LRRC4C: variants seen among roughly 807,000 people sequenced by gnomAD.
LRRC4C encodes leucine rich repeat containing 4C, also known as leucine-rich repeat-containing protein 4C.
A neutral mutation model predicts 33.6 loss-of-function variants in LRRC4C; 5 were observed. The ratio of observed to expected loss-of-function variants is 0.15; its 90% CI spans 0.08 to 0.31. The LOEUF is 0.31. LRRC4C is among the 10% of genes least tolerant of loss of function. The probability of loss-of-function intolerance (pLI) is 1.00; values close to 1 mark genes in which losing one functional copy is unlikely to be tolerated. For missense variants in LRRC4C, 560 were observed against 796.7 expected (o/e 0.70, Z 3.58); for synonymous variants, 329 against 302.0 (o/e 1.09, Z -0.93).
intron 2 of LRRC4C, among the ~76,000 whole-genome samples, chr11:40,927,541 T>C (rs1164163678): frequency 6.6e-6 from 1 of 152,110 alleles, no homozygotes; most frequent in Non-Finnish European, 1.5e-5. Context: ...ACATAAAGAA[T>C]AGCTATGTGT....
chr11:41,325,698 C>G (rs1476658930), intron 1 of LRRC4C, among the ~76,000 whole-genome samples: 1 of 150,510 alleles, frequency 6.6e-6, no homozygotes, highest in Non-Finnish European at 1.5e-5. Flanking sequence ...ACAACAACAA[C>G]AACAAAACAA....
intron 2 of LRRC4C, among the ~76,000 whole-genome samples, chr11:40,715,621 C>A (rs1000656144): frequency 1.3e-5 from 2 of 152,146 alleles, no homozygotes; most frequent in Admixed American, 1.3e-4. Flanking sequence ...TTTGTAGTAG[C>A]AAGAACTGGA....
chr11:40,178,149 T>C (rs1590627709), intron 5 of LRRC4C, among the ~76,000 whole-genome samples: 1 of 152,296 alleles, frequency 6.6e-6, no homozygotes, highest in East Asian at 1.9e-4. Context: ...CTTATTGCCA[T>C]CTGGAGGCTG....
At position 40,727,298 on chromosome 11, in the gene LRRC4C, C is replaced by T. The variant is rs186889655; in HGVS notation, c.-406-79020G>A. On this transcript the variant is annotated intron_variant, in intron 2 of 6. Coordinates refer to ENST00000528697, the MANE Select transcript of LRRC4C (RefSeq NM_001258419.2). ...ACTAACTGATCCTCAACAAAGCTGACAAAAATAAGCAATAGGGGAAGGAGT... is the reference window on the plus strand; with the variant it reads ...ACTAACTGATCCTCAACAAAGCTGATAAAAATAAGCAATAGGGGAAGGAGT... Among the ~76,000 whole-genome samples the T allele has an allele frequency of 7.8e-4, 118 of 152,060 alleles. 1 individual carries two copies. The highest frequency in any genetic ancestry group is 2.8e-3 in the African/African-American group (116 of 41,474).
chr11:41,198,188 A>G (rs1025689861), intron 1 of LRRC4C, among the ~76,000 whole-genome samples: 2 of 152,004 alleles, frequency 1.3e-5, no homozygotes, highest in African/African-American at 4.8e-5. Flanking sequence ...AAACCATACT[A>G]TTATTCCATT....
chr11:40,490,283 T>C (rs1276153015), intron 3 of LRRC4C, among the ~76,000 whole-genome samples: 3 of 152,180 alleles, frequency 2.0e-5, no homozygotes, highest in Admixed American at 6.6e-5. Context: ...TTAGTTATTA[T>C]TAGATAAAGC....
At chr11:40,447,312 C>G (rs532525962) in intron 3 of LRRC4C, among the ~76,000 whole-genome samples, 5 of 152,178 alleles carry the variant, frequency 3.3e-5, no homozygotes, top group African/African-American at 1.2e-4. Context: ...AAATAGAGAA[C>G]TCTAGAAGCA....
chr11:40,638,863 TATAAGACTTA>T (rs1941937835), intron 3 of LRRC4C, among the ~76,000 whole-genome samples: 2 of 152,048 alleles, frequency 1.3e-5, no homozygotes, highest in Admixed American at 1.3e-4. Flanking sequence ...TTTTGTAAAT[TATAAGACTTA>T]ATATACGATG....
chr11:40,709,597 T>G (rs775033855), intron 2 of LRRC4C, among the ~76,000 whole-genome samples: 3 of 152,176 alleles, frequency 2.0e-5, no homozygotes, highest in Non-Finnish European at 4.4e-5. Context: ...TGGGCTTCCT[T>G]TTGTGGGAAA....
chr11:40,574,969 C>A (rs1030121196), intron 3 of LRRC4C, among the ~76,000 whole-genome samples: 1 of 152,084 alleles, frequency 6.6e-6, no homozygotes, highest in African/African-American at 2.4e-5. Context: ...GCGGTAAGAC[C>A]ACTGTATGGG....
intron 5 of LRRC4C, among the ~76,000 whole-genome samples, chr11:40,183,864 G>T (rs1359039331): frequency 6.6e-6 from 1 of 152,178 alleles, no homozygotes; most frequent in Non-Finnish European, 1.5e-5. Context: ...TACTCTAAAG[G>T]GAGGCTGAAT....
chr11:40,875,711 T>C (rs1954851688), intron 2 of LRRC4C, among the ~76,000 whole-genome samples: 1 of 152,122 alleles, frequency 6.6e-6, no homozygotes, highest in Admixed American at 6.6e-5. Flanking sequence ...CAAACCTTTT[T>C]GGCTCCAGGG....
chr11:41,360,577 C>A (rs889630731), intron 1 of LRRC4C, among the ~76,000 whole-genome samples: 2 of 151,938 alleles, frequency 1.3e-5, no homozygotes, highest in Non-Finnish European at 2.9e-5. Context: ...TAAAAGAGTT[C>A]CTTGAAGAAG....
At chr11:40,493,567 G>T (rs1325052517) in intron 3 of LRRC4C, among the ~76,000 whole-genome samples, 1 of 152,078 alleles carries the variant, frequency 6.6e-6, no homozygotes, top group African/African-American at 2.4e-5. Flanking sequence ...AAAAAAAATT[G>T]TGTGATTGAT....
chr11:41,266,328 C>G (rs555164366), intron 1 of LRRC4C, among the ~76,000 whole-genome samples: 1 of 152,208 alleles, frequency 6.6e-6, no homozygotes, highest in African/African-American at 2.4e-5. Flanking sequence ...CAAACCTTAT[C>G]AAAACCTGCG....
At chr11:40,481,734 T>C (rs761993669) in intron 3 of LRRC4C, among the ~76,000 whole-genome samples, 3 of 152,212 alleles carry the variant, frequency 2.0e-5, no homozygotes, top group Non-Finnish European at 4.4e-5. Flanking sequence ...TTCTTTGTTA[T>C]GTTCTTTTAT....
rs550907787 is a variant in LRRC4C, at chr11:40,548,681, G to A, written c.-270+99461C>T. On this transcript the variant is annotated intron_variant, in intron 3 of 6. Transcript: ENST00000528697. ...ATGCTTGACATGCTCTAGGAAGAAC[G>A]AGGGGGCCATGATTGGCAGTGAAGA... Among the ~76,000 whole-genome samples the A allele has an allele frequency of 7.2e-5, 11 of 152,234 alleles. No individual in the cohort carries two copies. The South Asian group carries it at 1.7e-3, about 23-fold the overall frequency.
In LRRC4C at chr11:41,445,338, A is replaced by G. The variant is rs556536984; in HGVS notation, c.-496+14093T>C. The stretch of plus-strand genomic sequence containing the variant: ...TTCTCTCGCATTTTAATTCTGAATG[A>G]AGGGATCATAAAAGCATATCAAGAT... On this transcript the variant is annotated intron_variant, in intron 1 of 6. Coordinates refer to ENST00000528697, the MANE Select transcript of LRRC4C (RefSeq NM_001258419.2). Among the ~76,000 whole-genome samples the G allele has an allele frequency of 7.0e-4, 107 of 152,308 alleles. 1 individual carries two copies. Among genetic ancestry groups the G allele is most frequent in the African/African-American group, 2.5e-3 (103 of 41,562 alleles).
Position 40,325,995 on chromosome 11 carries a change from G to A in LRRC4C, c.-269-6274C>T, listed in dbSNP as rs536193486. Among the ~76,000 whole-genome samples, 8 of 151,690 alleles carry A rather than the reference G, an allele frequency of 5.3e-5. No individual in the cohort carries two copies. In the South Asian group the frequency reaches 1.7e-3, roughly 32 times the overall value. ...TAACTGGTTCTCTGTCTAGCCATGGGTGAGAAGAACATTGATCCAACCATG... is the reference window on the plus strand; with the variant it reads ...TAACTGGTTCTCTGTCTAGCCATGGATGAGAAGAACATTGATCCAACCATG... On this transcript the variant is annotated intron_variant, in intron 3 of 6. Coordinates refer to ENST00000528697, the MANE Select transcript of LRRC4C (RefSeq NM_001258419.2).
Sources: allele counts gnomAD v4.1 joint callset (sites outside exome capture counted in the v4.1 genomes callset), GRCh38; gene constraint gnomAD v4.1.1; transcripts MANE v1.5; gene names NCBI Gene and HGNC (gene_info 2026-07-23, HGNC 2026-07-21).